CNBD1: variants seen among roughly 807,000 people sequenced by gnomAD.
The protein encoded by CNBD1 is cyclic nucleotide binding domain containing 1.
Under a neutral mutation model 54.4 loss-of-function variants are expected in CNBD1, and 71 were observed. The ratio of observed to expected loss-of-function variants is 1.30; its 90% CI spans 1.08 to 1.59. The LOEUF (loss-of-function observed/expected upper bound fraction) is 1.59, where lower values mean the gene tolerates loss of function less well. CNBD1 is among the 40% of genes most tolerant of loss of function. The pLI is 0.00. For missense variants in CNBD1, 659 were observed against 518.0 expected, an observed-to-expected ratio of 1.27 and a Z score of -2.64; for synonymous variants, 182 against 170.7, an observed-to-expected ratio of 1.07 and a Z score of -0.51.
chr8:86,999,330 T>C (rs541327180), intron 4 of CNBD1, among the ~76,000 whole-genome samples: 2 of 152,298 alleles, frequency 1.3e-5, no homozygotes, highest in East Asian at 3.9e-4. Context: ...CTATGTTACT[T>C]GTTTTCTTCT....
intron 2 of CNBD1, among the ~76,000 whole-genome samples, chr8:86,893,895 A>G (rs559754151): frequency 6.6e-6 from 1 of 151,296 alleles, no homozygotes; most frequent in Admixed American, 6.6e-5. Context: ...TTAATCTACT[A>G]CTCCACTCTA....
At chr8:87,160,541 AT>A (rs1812834965) in intron 4 of CNBD1, among the ~76,000 whole-genome samples, 1 of 152,164 alleles carries the variant, frequency 6.6e-6, no homozygotes, top group Non-Finnish European at 1.5e-5. Flanking sequence ...TTCCAGAAAA[AT>A]TTTGGCAACA....
chr8:87,370,062 A>C (rs1233127009), intron 10 of CNBD1, among the ~76,000 whole-genome samples: 61 of 151,796 alleles, frequency 4.0e-4, no homozygotes, highest in Admixed American at 2.6e-3. Flanking sequence ...TGAACTCATC[A>C]TTTTTTATGG....
intron 4 of CNBD1, among the ~76,000 whole-genome samples, chr8:87,142,919 A>ATT (rs1812400532): frequency 1.3e-5 from 2 of 151,626 alleles, no homozygotes; most frequent in Non-Finnish European, 2.9e-5. Flanking sequence ...AGTTTCTGTT[A>ATT]GGTAGCAGAC....
intron 6 of CNBD1, among the ~76,000 whole-genome samples, chr8:87,284,342 A>C (rs534473062): frequency 6.6e-6 from 1 of 152,274 alleles, no homozygotes; most frequent in East Asian, 1.9e-4. Context: ...AAACAAACAG[A>C]AGATCATATA....
At chr8:87,010,281 C>T (rs1235359710) in intron 4 of CNBD1, among the ~76,000 whole-genome samples, 1 of 151,886 alleles carries the variant, frequency 6.6e-6, no homozygotes, top group African/African-American at 2.4e-5. Flanking sequence ...GTGTTCCTGA[C>T]ACGATTTTTT....
At chr8:87,014,376 A>C (rs1476772876) in intron 4 of CNBD1, among the ~76,000 whole-genome samples, 2 of 152,056 alleles carry the variant, frequency 1.3e-5, no homozygotes, top group Non-Finnish European at 2.9e-5. Context: ...ACCCAGCCCA[A>C]GACAGAATGA....
intron 3 of CNBD1, among the ~76,000 whole-genome samples, chr8:86,919,753 G>C (rs1809241883): frequency 6.6e-6 from 1 of 152,156 alleles, no homozygotes; most frequent in Admixed American, 6.5e-5. Flanking sequence ...TTACTAGGCA[G>C]TCAATGACAG....
chr8:87,241,895 A>T (rs1008356984), intron 6 of CNBD1, among the ~76,000 whole-genome samples: 3 of 152,192 alleles, frequency 2.0e-5, no homozygotes, highest in Admixed American at 1.3e-4. Flanking sequence ...GGAACCAGAG[A>T]TAATAAGCAT....
At chr8:87,400,033 G>C (rs1344755586) in intron 2 of CNBD1, among the ~76,000 whole-genome samples, 1 of 151,842 alleles carries the variant, frequency 6.6e-6, no homozygotes, top group Non-Finnish European at 1.5e-5. Flanking sequence ...CTAATTCACA[G>C]ATAATCAGTG....
chr8:87,212,145 G>T (rs985190956), intron 5 of CNBD1, among the ~76,000 whole-genome samples: 8 of 151,962 alleles, frequency 5.3e-5, no homozygotes, highest in African/African-American at 1.9e-4. Context: ...AATATAACCT[G>T]CTTAGGAATA....
chr8:87,221,413 T>C (rs1330740990), intron 5 of CNBD1, among the ~76,000 whole-genome samples: 2 of 152,160 alleles, frequency 1.3e-5, no homozygotes, highest in Admixed American at 1.3e-4. Context: ...CCTAGCTTGA[T>C]TGAAGTCCAT....
intron 2 of CNBD1, among the ~76,000 whole-genome samples, chr8:87,422,848 T>C (rs1807965517): frequency 6.6e-6 from 1 of 152,188 alleles, no homozygotes; most frequent in Non-Finnish European, 1.5e-5. Context: ...GCATTGAATC[T>C]GTAAATTACC....
At chr8:86,911,573 A>G (rs1243547483) in intron 3 of CNBD1, among the ~76,000 whole-genome samples, 1 of 152,190 alleles carries the variant, frequency 6.6e-6, no homozygotes, top group Non-Finnish European at 1.5e-5. Context: ...ATTACCTTAA[A>G]CATTTATCTA....
chr8:87,272,065 G>T (rs1246285591), intron 6 of CNBD1, among the ~76,000 whole-genome samples: 1 of 151,906 alleles, frequency 6.6e-6, no homozygotes, highest in African/African-American at 2.4e-5. Flanking sequence ...TAAAATGTAG[G>T]CTGGTGGTTA....
At chr8:86,948,925 T>G (rs1333630608) in intron 4 of CNBD1, among the ~76,000 whole-genome samples, 1 of 152,234 alleles carries the variant, frequency 6.6e-6, no homozygotes, top group Non-Finnish European at 1.5e-5. Context: ...TTTGATTTGA[T>G]TTTTGTATAT....
chr8:87,409,958 G>A (rs894146137), intron 2 of CNBD1, among the ~76,000 whole-genome samples: 1 of 152,012 alleles, frequency 6.6e-6, no homozygotes, highest in African/African-American at 2.4e-5. Context: ...AGGAGAGGGA[G>A]GTTGTAGTGA....
chr8:87,255,417 G>A (rs914132913), intron 6 of CNBD1, among the ~76,000 whole-genome samples: 2 of 152,092 alleles, frequency 1.3e-5, no homozygotes, highest in South Asian at 2.1e-4. Context: ...GAGCTAAGGT[G>A]TAAAAAGAGA....
At chr8:87,296,524 A>T (rs1304886909) in intron 8 of CNBD1, among the ~76,000 whole-genome samples, 1 of 152,156 alleles carries the variant, frequency 6.6e-6, no homozygotes, top group East Asian at 1.9e-4. Flanking sequence ...CATCTTGAGT[A>T]TGTCTAACAA....
Sources: gnomAD v4.1 joint callset for allele counts (sites outside exome capture counted in the v4.1 genomes callset) on GRCh38, gnomAD v4.1.1 for gene constraint, MANE v1.5 for transcripts, NCBI Gene and HGNC (gene_info 2026-07-23, HGNC 2026-07-21) for gene names.